Variants in KATNIP observed in about 807,000 individuals in gnomAD.
KATNIP encodes katanin interacting protein, also known as katanin-interacting protein.
A neutral mutation model predicts 174.0 loss-of-function variants in KATNIP; 126 were observed. The ratio of observed to expected loss-of-function variants is 0.72; its 90% CI spans 0.63 to 0.84. The LOEUF (loss-of-function observed/expected upper bound fraction) is 0.84. Among genes scored for constraint, KATNIP ranks in the 40% least tolerant of loss-of-function variants. The pLI is 0.00. For missense variants in KATNIP, 1,958 were observed against 2,109.7 expected (o/e 0.93, Z 1.41); for synonymous variants, 810 against 835.7 (o/e 0.97, Z 0.53).
intron 14 of KATNIP, among the ~76,000 whole-genome samples, chr16:27,730,773 G>A (rs908581570): frequency 7.2e-5 from 11 of 152,222 alleles, no homozygotes; most frequent in African/African-American, 2.7e-4. Flanking sequence ...GGTGTTCTTA[G>A]GGTTCTGAGC....
At chr16:27,700,277 T>G (rs566444947) in intron 10 of KATNIP, among the ~76,000 whole-genome samples, 31 of 152,292 alleles carry the variant, frequency 2.0e-4, no homozygotes, top group Admixed American at 7.8e-4. Flanking sequence ...AATAAATTTT[T>G]TTATCTGTAT....
At chr16:27,604,940 G>A (rs146035336) in intron 2 of KATNIP, among the ~76,000 whole-genome samples, 1 of 152,224 alleles carries the variant, frequency 6.6e-6, no homozygotes, top group African/African-American at 2.4e-5. Flanking sequence ...GTTGTTGTTT[G>A]GTTTTTGAGA....
chr16:27,751,818 G>A lies in KATNIP; in HGVS notation c.3446G>A (p.Ser1149Asn). The A allele has an allele frequency of 1.2e-6, 2 of 1,614,234 alleles. No individual in the cohort carries two copies. The highest frequency in any genetic ancestry group is 2.2e-5 in the East Asian group (1 of 44,888). ...SDEMFDLDVG[S>N]LDSLQDEEAM... The stretch of plus-strand genomic sequence containing the variant: ...GAGATGTTTGACCTGGATGTGGGGA[G>A]CCTGGACAGCCTGCAGGATGAAGAG... Residue 1149 changes from serine (S) to asparagine (N), a missense_variant, in exon 17 of 28, where the codon AGC (serine) becomes AAC (asparagine). Physicochemically the swap from Ser to Asn is conservative, Grantham distance 46. Transcript: ENST00000261588.
At chr16:27,606,385 T>C (rs2075705122) in intron 2 of KATNIP, among the ~76,000 whole-genome samples, 1 of 152,120 alleles carries the variant, frequency 6.6e-6, no homozygotes, top group African/African-American at 2.4e-5. Context: ...CTCTGAGCCC[T>C]TAGACATGGC....
intron 6 of KATNIP, among the ~76,000 whole-genome samples, chr16:27,666,786 G>T (rs758041546): frequency 6.6e-6 from 1 of 152,172 alleles, no homozygotes; most frequent in Non-Finnish European, 1.5e-5. Context: ...CAGTACTTTG[G>T]GATGCCGAGG....
At chr16:27,713,814 A>ATATATATATATATATATCTATC (rs2079774175) in intron 13 of KATNIP, among the ~76,000 whole-genome samples, 1 of 20,884 alleles carries the variant, frequency 4.8e-5, no homozygotes. Flanking sequence ...ATATACATAT[A>ATATATATATATATATATCTATC]TATATATATA....
chr16:27,687,694 A>G (rs1413613374), intron 8 of KATNIP, among the ~76,000 whole-genome samples: 1 of 152,212 alleles, frequency 6.6e-6, no homozygotes, highest in Non-Finnish European at 1.5e-5. Flanking sequence ...TTTAATGCAG[A>G]AAGTTTACTG....
At chr16:27,708,564 T>C (rs995739052) in intron 12 of KATNIP, 141 bp from the exon 13 acceptor site, 4 of 618,706 alleles carry the variant, frequency 6.5e-6, no homozygotes, top group African/African-American at 1.8e-5. Flanking sequence ...TAGTGGGTGC[T>C]ATTCTTATCC....
chr16:27,735,730 CTG>C (rs2080873792), intron 14 of KATNIP, among the ~76,000 whole-genome samples: 1 of 152,204 alleles, frequency 6.6e-6, no homozygotes, highest in Non-Finnish European at 1.5e-5. Context: ...GCGGAAACCT[CTG>C]TAACTCAGTG....
At chr16:27,709,642 A>G (rs1332585571) in intron 13 of KATNIP, among the ~76,000 whole-genome samples, 1 of 152,128 alleles carries the variant, frequency 6.6e-6, no homozygotes, top group African/African-American at 2.4e-5. Context: ...CTGTCTCAAA[A>G]AAAATAAATA....
chr16:27,655,558 T>G (rs1279659894), intron 6 of KATNIP, among the ~76,000 whole-genome samples: 1 of 151,988 alleles, frequency 6.6e-6, no homozygotes, highest in Non-Finnish European at 1.5e-5. Flanking sequence ...CCAGAAGATG[T>G]AAAACAATTC....
intron 10 of KATNIP, among the ~76,000 whole-genome samples, chr16:27,701,025 T>C (rs2079079560): frequency 6.6e-6 from 1 of 151,736 alleles, no homozygotes; most frequent in South Asian, 2.1e-4. Flanking sequence ...CGATGACAAA[T>C]GAAAAAGAAG....
chr16:27,722,665 C>T (rs1420936783), intron 14 of KATNIP, among the ~76,000 whole-genome samples: 1 of 152,182 alleles, frequency 6.6e-6, no homozygotes, highest in South Asian at 2.1e-4. Flanking sequence ...TGGAGCCTCA[C>T]CTTCAGTCTT....
chr16:27,596,509 AGTCT>A (rs2075340748), intron 2 of KATNIP, among the ~76,000 whole-genome samples: 1 of 152,158 alleles, frequency 6.6e-6, no homozygotes, highest in East Asian at 1.9e-4. Context: ...TATTAAGCTG[AGTCT>A]GTCTGGAGTG....
intron 13 of KATNIP, among the ~76,000 whole-genome samples, chr16:27,712,407 A>G (rs1002553815): frequency 3.3e-5 from 5 of 152,128 alleles, no homozygotes; most frequent in Admixed American, 2.6e-4. Flanking sequence ...CGCCTCGTTT[A>G]ACCCTCACAT....
chr16:27,608,242 T>C (rs2075772570), intron 2 of KATNIP, among the ~76,000 whole-genome samples: 1 of 146,432 alleles, frequency 6.8e-6, no homozygotes, highest in African/African-American at 2.5e-5. Context: ...TTTTTTTTTT[T>C]TTTTTTGAGA....
chr16:27,566,029 T>G (rs946113377), intron 1 of KATNIP, among the ~76,000 whole-genome samples: 1 of 151,772 alleles, frequency 6.6e-6, no homozygotes, highest in African/African-American at 2.4e-5. Flanking sequence ...GCTGTTTTTT[T>G]TTTTTTTTTT....
intron 4 of KATNIP, among the ~76,000 whole-genome samples, chr16:27,630,666 G>A (rs2076459069): frequency 6.6e-6 from 1 of 151,368 alleles, no homozygotes; most frequent in Non-Finnish European, 1.5e-5. Flanking sequence ...AACACCAGCA[G>A]TACCTTCATT....
At chr16:27,555,852 T>G (rs1300156689) in intron 1 of KATNIP, among the ~76,000 whole-genome samples, 1 of 139,430 alleles carries the variant, frequency 7.2e-6, no homozygotes, top group African/African-American at 2.7e-5. Context: ...AAAAAAAAGT[T>G]CCTACAGCCA....
Sources: allele counts gnomAD v4.1 joint callset (sites outside exome capture counted in the v4.1 genomes callset), GRCh38; gene constraint gnomAD v4.1.1; transcripts MANE v1.5; gene names NCBI Gene and HGNC (gene_info 2026-07-23, HGNC 2026-07-21).